The following NOL4 variants were observed in gnomAD, a reference collection of about 807,000 sequenced individuals.
NOL4 encodes nucleolar protein 4.
In NOL4, 17 loss-of-function variants were observed where a neutral mutation model predicts 75.9. The ratio of observed to expected loss-of-function variants is 0.22; its 90% CI spans 0.15 to 0.34. NOL4 has a LOEUF of 0.34. NOL4 is among the 10% of genes least tolerant of loss of function. The pLI, the probability that NOL4 is intolerant of heterozygous loss-of-function variation, is 1.00. For synonymous variants in NOL4, 292 were observed against 289.9 expected (o/e 1.01, Z -0.07); for missense variants, 614 against 793.5 (o/e 0.77, Z 2.72).
In NOL4 at chr18:33,852,378, A is replaced by G. The variant is rs956609940; in HGVS notation, c.*464T>C. The G allele has an allele frequency of 3.9e-5, 6 of 152,308 alleles. No homozygotes were observed. Among genetic ancestry groups the G allele is most frequent in the African/African-American group, 1.2e-4 (5 of 41,440 alleles). The allele number at this position is 152,308 out of a possible 1,614,324, so 9.4% of individuals were successfully genotyped here. A position where few individuals can be genotyped will look rare whatever the true frequency, so the allele number is the denominator to read the frequency against. The stretch of plus-strand genomic sequence containing the variant: ...AAATTACATATTTTTTTAAAATACG[A>G]GATCCTTTTCATTGTTGTTATATCC... On this transcript the variant is annotated 3_prime_UTR_variant, in exon 11 of 11. Transcript: ENST00000261592.
chr18:34,181,604 A>C (rs2034041117), intron 1 of NOL4, among the ~76,000 whole-genome samples: 1 of 151,570 alleles, frequency 6.6e-6, no homozygotes, highest in African/African-American at 2.4e-5. Flanking sequence ...TTTGCATATA[A>C]ATAACACTAT....
intron 5 of NOL4, among the ~76,000 whole-genome samples, chr18:34,054,775 T>G (rs1294498037): frequency 6.6e-6 from 1 of 151,832 alleles, no homozygotes; most frequent in Non-Finnish European, 1.5e-5. Context: ...CTTGTAGCTC[T>G]ATTACTTCTC....
At chr18:34,206,053 G>A (rs139060101) in intron 1 of NOL4, among the ~76,000 whole-genome samples, 7 of 152,070 alleles carry the variant, frequency 4.6e-5, no homozygotes, top group East Asian at 3.9e-4. Flanking sequence ...TTTTATTCAC[G>A]TCAAAATACT....
chr18:34,010,843 G>A (rs1056343241), intron 6 of NOL4, among the ~76,000 whole-genome samples: 32 of 151,872 alleles, frequency 2.1e-4, no homozygotes, highest in African/African-American at 7.7e-4. Context: ...TTAGCCATTT[G>A]TATGTCTTCA....
intron 4 of NOL4, among the ~76,000 whole-genome samples, chr18:34,096,731 T>C (rs887157903): frequency 2.0e-5 from 3 of 152,176 alleles, no homozygotes; most frequent in Non-Finnish European, 4.4e-5. Flanking sequence ...CCAGAGACCA[T>C]AGTAATTCTG....
chr18:34,080,901 G>A, intron 5 of NOL4, among the ~76,000 whole-genome samples: 1 of 152,158 alleles, frequency 6.6e-6, no homozygotes, highest in Non-Finnish European at 1.5e-5. Flanking sequence ...AGTCATTATT[G>A]TAATAGTACC....
At chr18:33,952,984 A>C (rs76856913) in intron 8 of NOL4, among the ~76,000 whole-genome samples, 4,134 of 152,222 alleles carry the variant, frequency 0.027, 87 homozygotes, top group Non-Finnish European at 0.043. Flanking sequence ...AAATTGAGGA[A>C]GACTACTCTA....
chr18:34,073,641 T>C (rs1347286893), intron 5 of NOL4, among the ~76,000 whole-genome samples: 1 of 151,964 alleles, frequency 6.6e-6, no homozygotes, highest in Non-Finnish European at 1.5e-5. Flanking sequence ...GTTGAATCCA[T>C]GGAATGTGGA....
At chr18:33,989,797 C>A (rs186198270) in intron 6 of NOL4, among the ~76,000 whole-genome samples, 1 of 152,206 alleles carries the variant, frequency 6.6e-6, no homozygotes, top group African/African-American at 2.4e-5. Context: ...ACCTGTGTTA[C>A]AATTTCCTTA....
At chr18:34,164,653 C>G (rs1375897043) in intron 1 of NOL4, among the ~76,000 whole-genome samples, 5 of 152,062 alleles carry the variant, frequency 3.3e-5, no homozygotes, top group South Asian at 4.1e-4. Flanking sequence ...GGACTGTAAA[C>G]TAGTTCAACC....
At position 33,852,099 on chromosome 18, in the gene NOL4, G is replaced by A. The variant is rs1192420819; in HGVS notation, c.*743C>T. 6.6e-6 allele frequency: 1 copy of A among 152,424 alleles called. No homozygotes were observed. The highest frequency in any genetic ancestry group is 1.5e-5 in the Non-Finnish European group (1 of 68,000). The allele number at this position is 152,424 out of a possible 1,614,324, so 9.4% of individuals were successfully genotyped here. On this transcript the variant is annotated 3_prime_UTR_variant, in exon 11 of 11. Transcript: ENST00000261592. ...TTGCAGTGTTGAGTGGGGTTTTTGA[G>A]ATCAGCATGAGAGCAGAAATGCAGG...
Position 34,167,623 on chromosome 18 carries a change from T to C in NOL4, c.265-37603A>G, listed in dbSNP as rs911342526. Among the ~76,000 whole-genome samples, 12 of 152,018 alleles carry C rather than the reference T, an allele frequency of 7.9e-5. No individual in the cohort carries two copies. The South Asian group carries it at 1.4e-3, about 18-fold the overall frequency. ...AGAAGAAACAACCACATTTTAAATG[T>C]ATTGTTAAGCTCACACATATGTATG... On this transcript the variant is annotated intron_variant, in intron 1 of 10. Coordinates refer to ENST00000261592, the MANE Select transcript of NOL4 (RefSeq NM_003787.5).
intron 1 of NOL4, among the ~76,000 whole-genome samples, chr18:34,164,121 C>T (rs1162372638): frequency 6.6e-6 from 1 of 152,068 alleles, no homozygotes; most frequent in Non-Finnish European, 1.5e-5. Flanking sequence ...GACGTTAGAC[C>T]TAAAACCATA....
chr18:34,209,740 G>C (rs1029131547), intron 1 of NOL4, among the ~76,000 whole-genome samples: 2 of 152,176 alleles, frequency 1.3e-5, no homozygotes, highest in Non-Finnish European at 2.9e-5. Flanking sequence ...GCCATCATTG[G>C]CAACAGTTCA....
chr18:34,103,692 C>T (rs750414676), intron 4 of NOL4, among the ~76,000 whole-genome samples: 2 of 151,982 alleles, frequency 1.3e-5, no homozygotes, highest in African/African-American at 4.8e-5. Context: ...AGCCTTAGTA[C>T]TTAAATTTCC....
intron 6 of NOL4, among the ~76,000 whole-genome samples, chr18:33,966,232 TTAAGA>T (rs2070573699): frequency 3.9e-5 from 6 of 152,130 alleles, no homozygotes; most frequent in Admixed American, 3.9e-4. Context: ...TACTATTTAT[TTAAGA>T]TGAGGAGAAT....
chr18:33,933,115 G>C (rs1419771318), intron 9 of NOL4, among the ~76,000 whole-genome samples: 1 of 152,108 alleles, frequency 6.6e-6, no homozygotes, highest in Non-Finnish European at 1.5e-5. Context: ...ATTTAAGCAA[G>C]TAACATGAAC....
At chr18:34,009,138 T>G (rs1438349211) in intron 6 of NOL4, among the ~76,000 whole-genome samples, 1 of 151,740 alleles carries the variant, frequency 6.6e-6, no homozygotes, top group Non-Finnish European at 1.5e-5. Flanking sequence ...ATTGGATAGA[T>G]TCCAATGGGG....
At chr18:34,085,566 A>G (rs1364187944) in intron 5 of NOL4, among the ~76,000 whole-genome samples, 1 of 152,140 alleles carries the variant, frequency 6.6e-6, no homozygotes, top group African/African-American at 2.4e-5. Context: ...GGGTGTGGCA[A>G]GTTTGAGCCT....
Sources: gnomAD v4.1 joint callset for allele counts (sites outside exome capture counted in the v4.1 genomes callset) on GRCh38, gnomAD v4.1.1 for gene constraint, MANE v1.5 for transcripts, NCBI Gene and HGNC (gene_info 2026-07-23, HGNC 2026-07-21) for gene names.